Variants in CEMIP observed in about 807,000 individuals in gnomAD.
The protein encoded by CEMIP is cell migration inducing hyaluronidase 1.
Under a neutral mutation model 156.9 loss-of-function variants are expected in CEMIP, and 105 were observed. That is an observed-to-expected ratio of 0.67 (90% CI 0.57 to 0.79). CEMIP has a LOEUF of 0.79. Among genes scored for constraint, CEMIP ranks in the 30% least tolerant of loss-of-function variants. The probability of loss-of-function intolerance (pLI) is 0.00; values close to 1 mark genes in which losing one functional copy is unlikely to be tolerated. For missense variants in CEMIP, 1,457 were observed against 1,769.4 expected (o/e 0.82, Z 3.17); for synonymous variants, 676 against 668.4 (o/e 1.01, Z -0.17).
chr15:80,834,547 T>G (rs1412522392), intron 1 of CEMIP, among the ~76,000 whole-genome samples: 1 of 152,266 alleles, frequency 6.6e-6, no homozygotes, highest in Non-Finnish European at 1.5e-5. Flanking sequence ...TCTTTCCTTA[T>G]TGCCCTGGGG....
chr15:80,805,768 A>G (rs1896498777), intron 1 of CEMIP, among the ~76,000 whole-genome samples: 1 of 152,242 alleles, frequency 6.6e-6, no homozygotes, highest in Non-Finnish European at 1.5e-5. Context: ...TAAACTTGAT[A>G]TGCCAAATCT....
At chr15:80,848,415 C>T (rs1195059077) in intron 1 of CEMIP, among the ~76,000 whole-genome samples, 1 of 152,198 alleles carries the variant, frequency 6.6e-6, no homozygotes, top group Admixed American at 6.5e-5. Context: ...TACTCAACAC[C>T]TTGTAATACA....
Position 80,879,698 on chromosome 15 carries a change from C to G in CEMIP, c.242-18C>G, listed in dbSNP as rs367814136. On this transcript the variant is annotated intron_variant, in intron 4 of 29. Transcript: ENST00000394685. ...TAACACTGTGTTATTAAACCTCCCC[C>G]CAATGCTACCTCTTCAGGCAAGCTG... 3.9e-5 allele frequency: 63 copies of G among 1,614,050 alleles called. No individual in the cohort carries two copies. The highest frequency in any genetic ancestry group is 1.6e-4 in the East Asian group (7 of 44,896).
intron 1 of CEMIP, among the ~76,000 whole-genome samples, chr15:80,828,177 G>A (rs760040932): frequency 2.6e-5 from 4 of 152,134 alleles, no homozygotes; most frequent in African/African-American, 7.2e-5. Context: ...TCAGGGGTTC[G>A]AGACCAGCCT....
At chr15:80,922,347 G>A (rs539787300) in intron 17 of CEMIP, among the ~76,000 whole-genome samples, 38 of 152,364 alleles carry the variant, frequency 2.5e-4, no homozygotes, top group Admixed American at 4.6e-4. Context: ...GTTCCTGCAC[G>A]GGCATGGACT....
intron 1 of CEMIP, among the ~76,000 whole-genome samples, chr15:80,846,599 A>C (rs1227464823): frequency 1.3e-5 from 2 of 152,184 alleles, no homozygotes; most frequent in African/African-American, 4.8e-5. Flanking sequence ...GTGAGGAGTG[A>C]ACTTGATGAG....
At chr15:80,895,446 T>G (rs1370454789) in intron 11 of CEMIP, among the ~76,000 whole-genome samples, 1 of 152,010 alleles carries the variant, frequency 6.6e-6, no homozygotes, top group Non-Finnish European at 1.5e-5. Context: ...AGGTGCTTGT[T>G]AGAAGAGATT....
intron 12 of CEMIP, among the ~76,000 whole-genome samples, chr15:80,905,778 G>A (rs974485985): frequency 6.6e-6 from 1 of 152,198 alleles, no homozygotes; most frequent in African/African-American, 2.4e-5. Context: ...CTAGTGGAGG[G>A]AGTCCAGGGC....
In CEMIP at chr15:80,940,945, T is replaced by C. The variant is rs112601289; in HGVS notation, c.3408-904T>C. On this transcript the variant is annotated intron_variant, in intron 25 of 29. Coordinates refer to ENST00000394685, the MANE Select transcript of CEMIP (RefSeq NM_001293298.2). ...AACAAGGTTGTCAGCCCCAACTCCA[T>C]GTGGTCTTTTAGTTCAAGCACCACC... 3.3e-5 allele frequency among the ~76,000 whole-genome samples: 5 copies of C among 152,292 alleles called. 1 individual carries two copies. The highest frequency in any genetic ancestry group is 9.6e-5 in the African/African-American group (4 of 41,584).
intron 3 of CEMIP, among the ~76,000 whole-genome samples, chr15:80,874,521 C>T (rs1245782848): frequency 1.3e-5 from 2 of 152,068 alleles, no homozygotes; most frequent in Admixed American, 6.5e-5. Context: ...ATCTTTCCAA[C>T]TCTGTCTGGA....
intron 22 of CEMIP, 133 bp from the exon 23 acceptor site, chr15:80,933,112 C>A: frequency 1.3e-6 from 1 of 778,136 alleles, no homozygotes; most frequent in Non-Finnish European, 2.2e-6. Context: ...TGGTTTCTCT[C>A]AGTGCCCGAG....
chr15:80,925,628 A>G lies in CEMIP; in HGVS notation c.2293A>G (p.Ser765Gly), dbSNP rs1347318241. 4.3e-6 allele frequency: 7 copies of G among 1,612,448 alleles called. No individual in the cohort carries two copies. The highest frequency in any genetic ancestry group is 5.9e-6 in the Non-Finnish European group (7 of 1,179,926). The change falls in exon 19 of 30, where the codon AGC (serine) becomes GGC (glycine). Residue 765 changes from serine to glycine, a missense_variant. Ser to Gly is a moderately conservative substitution (Grantham distance 56). This residue lies in a region of CEMIP where 798 missense variants were observed against 980.1 expected (regional missense o/e 0.81). Transcript: ENST00000394685. ...PFLSIISARY[S>G]PHQDADPLKP... ...CTCCCCATGGTTGTGCTGCAGATAC[A>G]GCCCTCACCAGGACGCCGACCCGCT...
chr15:80,941,931 A>G lies in CEMIP; in HGVS notation c.3490A>G (p.Ile1164Val). Residue 1164 changes from isoleucine (I) to valine (V), a missense_variant, in exon 26 of 30, where the codon ATT becomes GTT. Physicochemically the swap from Ile to Val is conservative, Grantham distance 29. Transcript: ENST00000394685. ...CSMKGCERIK[I>V]KALIPKNAGV... ...CATGAAAGGCTGTGAGAGGATAAAG[A>G]TTAAAGCTCTGATTCCAAAGAACGC... 1 of 1,614,042 alleles carries G rather than the reference A, an allele frequency of 6.2e-7. No individual in the cohort carries two copies. Among genetic ancestry groups the G allele is most frequent in the South Asian group, 1.1e-5 (1 of 91,064 alleles).
In CEMIP at chr15:80,950,844, T is replaced by C. The variant is rs922889697; in HGVS notation, c.*1920T>C. 7 of 152,696 alleles carry C rather than the reference T, an allele frequency of 4.6e-5. No individual in the cohort carries two copies. Among genetic ancestry groups the C allele is most frequent in the Non-Finnish European group, 1.0e-4 (7 of 68,104 alleles). The allele number at this position is 152,696 out of a possible 1,614,324, so 9.5% of individuals were successfully genotyped here. ...TCCCTGGGTCTTGTGATGAACTACA[T>C]TTATCCCCTTTCCTGCCCCAACCAC... On this transcript the variant is annotated 3_prime_UTR_variant, in exon 30 of 30. Transcript: ENST00000394685.
intron 6 of CEMIP, among the ~76,000 whole-genome samples, chr15:80,882,493 A>G (rs1448229799): frequency 6.6e-6 from 1 of 152,200 alleles, no homozygotes; most frequent in African/African-American, 2.4e-5. Context: ...CCCTGCCTTC[A>G]CACTAGAGAG....
chr15:80,837,569 A>T (rs1596123187), intron 1 of CEMIP, among the ~76,000 whole-genome samples: 1 of 152,218 alleles, frequency 6.6e-6, no homozygotes, highest in South Asian at 2.1e-4. Context: ...AGTTCCAGCC[A>T]CTTCACCAGA....
chr15:80,805,587 G>A (rs913969439), intron 1 of CEMIP, among the ~76,000 whole-genome samples: 4 of 152,148 alleles, frequency 2.6e-5, no homozygotes, highest in African/African-American at 4.8e-5. Flanking sequence ...TCCCAAGGAT[G>A]TCTACTGTTG....
At chr15:80,941,429 C>T (rs905782846) in intron 25 of CEMIP, among the ~76,000 whole-genome samples, 17 of 152,068 alleles carry the variant, frequency 1.1e-4, no homozygotes, top group Admixed American at 9.2e-4. Flanking sequence ...ATCTCCTCAC[C>T]GGGCACAATG....
intron 12 of CEMIP, among the ~76,000 whole-genome samples, chr15:80,904,416 G>A (rs1596177282): frequency 1.3e-5 from 2 of 152,178 alleles, no homozygotes; most frequent in South Asian, 4.1e-4. Context: ...GGAGGACTCT[G>A]TGATAGATGG....
Sources: allele counts gnomAD v4.1 joint callset (sites outside exome capture counted in the v4.1 genomes callset), GRCh38; gene constraint gnomAD v4.1.1; regional missense constraint gnomAD v4.1.1; transcripts MANE v1.5; gene names NCBI Gene and HGNC (gene_info 2026-07-23, HGNC 2026-07-21).